The following DNAI4 variants were observed in gnomAD, a reference collection of about 807,000 sequenced individuals.
DNAI4 encodes the protein dynein axonemal intermediate chain 4.
A neutral mutation model predicts 105.8 loss-of-function variants in DNAI4; 85 were observed. That is an observed-to-expected ratio of 0.80 (90% CI 0.67 to 0.96). DNAI4 has a LOEUF of 0.96. DNAI4 is among the 40% of genes least tolerant of loss of function. The pLI is 0.00. For missense variants in DNAI4, 1,014 were observed against 1,005.6 expected (o/e 1.01, Z -0.11); for synonymous variants, 352 against 331.5 (o/e 1.06, Z -0.67).
intron 6 of DNAI4, 67 bp downstream of exon 6, chr1:66,871,303 C>T (rs758265446): frequency 7.8e-6 from 11 of 1,402,578 alleles, no homozygotes; most frequent in African/African-American, 4.3e-5. Flanking sequence ...ATTCACTTGT[C>T]GATTGACAGA....
chr1:66,836,079 C>A (rs998283707), intron 10 of DNAI4, among the ~76,000 whole-genome samples: 1 of 149,358 alleles, frequency 6.7e-6, no homozygotes, highest in Non-Finnish European at 1.5e-5. Flanking sequence ...TCACTTGAGA[C>A]CAGCAGTTTG....
At chr1:66,878,101 G>A (rs1646995434) in intron 4 of DNAI4, among the ~76,000 whole-genome samples, 1 of 152,066 alleles carries the variant, frequency 6.6e-6, no homozygotes, top group Non-Finnish European at 1.5e-5. Flanking sequence ...CTTCTTGAGG[G>A]AAGAATATCT....
At chr1:66,875,659 A>G (rs1278594729) in intron 4 of DNAI4, among the ~76,000 whole-genome samples, 1 of 152,114 alleles carries the variant, frequency 6.6e-6, no homozygotes, top group African/African-American at 2.4e-5. Flanking sequence ...AATGTTTTCT[A>G]TCAACAACAG....
intron 7 of DNAI4, among the ~76,000 whole-genome samples, chr1:66,852,618 C>T (rs554827496): frequency 1.3e-5 from 2 of 151,852 alleles, no homozygotes; most frequent in African/African-American, 4.8e-5. Context: ...AAAAAAATCA[C>T]ATGATCATAT....
intron 6 of DNAI4, among the ~76,000 whole-genome samples, chr1:66,869,199 C>T (rs1195595721): frequency 6.6e-6 from 1 of 151,584 alleles, no homozygotes; most frequent in Non-Finnish European, 1.5e-5. Flanking sequence ...AGTATTCTCA[C>T]ATTTACAGAA....
chr1:66,895,392 C>T (rs1648234569), intron 2 of DNAI4, among the ~76,000 whole-genome samples: 1 of 152,144 alleles, frequency 6.6e-6, no homozygotes, highest in Admixed American at 6.5e-5. Context: ...TGCTTAAGCC[C>T]AGGAGTTTGA....
chr1:66,921,954 T>C (rs1650519171), intron 1 of DNAI4, among the ~76,000 whole-genome samples: 1 of 150,536 alleles, frequency 6.6e-6, no homozygotes, highest in Non-Finnish European at 1.5e-5. Context: ...TGGAGTACAA[T>C]GGCAGTGATC....
intron 2 of DNAI4, among the ~76,000 whole-genome samples, chr1:66,900,638 CTAAG>C (rs1459242364): frequency 5.9e-5 from 9 of 152,090 alleles, no homozygotes; most frequent in African/African-American, 1.7e-4. Context: ...ACATTTATTC[CTAAG>C]TATTTTACTG....
At chr1:66,872,695 A>C (rs1283896699) in intron 5 of DNAI4, among the ~76,000 whole-genome samples, 2 of 151,990 alleles carry the variant, frequency 1.3e-5, no homozygotes, top group African/African-American at 4.8e-5. Context: ...AATTACTTTT[A>C]TATTCCAATG....
chr1:66,895,119 T>C lies in DNAI4; in HGVS notation c.346-1706A>G, dbSNP rs150425606. On this transcript the variant is annotated intron_variant, in intron 2 of 16. Transcript: ENST00000371026. ...TTAAAAATATTGGTATATGCATCTT[T>C]TGTTATATTTTTCCACAAGTGCTTG... Among the ~76,000 whole-genome samples, 5 of 152,338 alleles carry C rather than the reference T, an allele frequency of 3.3e-5. No individual in the cohort carries two copies. The East Asian group carries it at 9.6e-4, about 29-fold the overall frequency.
Position 66,835,653 on chromosome 1 carries a change from T to C in DNAI4, c.1706A>G (p.Asn569Ser), listed in dbSNP as rs1196810136. ...ACTATCCAGAACTGGAACATTACTG[T>C]TGCTCCGTACATTGTAAATTGCAAT... is the stretch of plus-strand genomic sequence containing the variant. ...GTIAIYNVRS[N>S]SNVPVLDSSE... The change falls in exon 11 of 17, where the codon AAC becomes AGC. Residue 569 changes from asparagine (N) to serine (S), a missense_variant. Coordinates refer to ENST00000371026, the MANE Select transcript of DNAI4 (RefSeq NM_024763.5). The C allele has an allele frequency of 3.1e-6, 5 of 1,614,036 alleles. No homozygotes were observed. The highest frequency in any genetic ancestry group is 4.2e-6 in the Non-Finnish European group (5 of 1,180,012).
At chr1:66,819,723 A>C (rs1241327531) in intron 16 of DNAI4, among the ~76,000 whole-genome samples, 2 of 152,162 alleles carry the variant, frequency 1.3e-5, no homozygotes, top group East Asian at 3.9e-4. Context: ...GATGAAAAGA[A>C]AAGAATCAAC....
intron 7 of DNAI4, chr1:66,848,245 A>G (rs1227536565): frequency 2.2e-6 from 1 of 456,238 alleles, no homozygotes; most frequent in Admixed American, 2.3e-5. Context: ...TCATCTTCAA[A>G]GACAGCAACA....
At chr1:66,883,365 C>T (rs1647122699) in intron 4 of DNAI4, among the ~76,000 whole-genome samples, 1 of 152,018 alleles carries the variant, frequency 6.6e-6, no homozygotes, top group African/African-American at 2.4e-5. Flanking sequence ...GAAACCTCCA[C>T]CTCCTGGGTT....
At chr1:66,854,195 C>A (rs1352125420) in intron 7 of DNAI4, among the ~76,000 whole-genome samples, 4 of 152,112 alleles carry the variant, frequency 2.6e-5, no homozygotes, top group African/African-American at 9.7e-5. Flanking sequence ...AGTTTGAGAA[C>A]AGTCTGGGCA....
intron 8 of DNAI4, among the ~76,000 whole-genome samples, chr1:66,841,655 G>C (rs1443164253): frequency 6.6e-6 from 1 of 152,128 alleles, no homozygotes; most frequent in Non-Finnish European, 1.5e-5. Context: ...ACAGACATGA[G>C]CCACTGCACT....
chr1:66,838,525 A>C lies in DNAI4; in HGVS notation c.1495-729T>G, dbSNP rs146233399. Among the ~76,000 whole-genome samples the C allele has an allele frequency of 6.5e-3, 983 of 152,366 alleles. 6 individuals carry two copies. Among genetic ancestry groups the C allele is most frequent in the African/African-American group, 0.023 (940 of 41,588 alleles). On this transcript the variant is annotated intron_variant, in intron 9 of 16. Coordinates refer to ENST00000371026, the MANE Select transcript of DNAI4 (RefSeq NM_024763.5). ...GTCTATAATATATTGTTACGGCAGCATGAGCTACCTAATACAGGAGGTCAT... is the reference window on the plus strand; with the variant it reads ...GTCTATAATATATTGTTACGGCAGCCTGAGCTACCTAATACAGGAGGTCAT...
chr1:66,850,719 TG>T (rs1180527196), intron 7 of DNAI4, among the ~76,000 whole-genome samples: 1 of 151,894 alleles, frequency 6.6e-6, no homozygotes, highest in Non-Finnish European at 1.5e-5. Context: ...CAAATATAAA[TG>T]GGGGTGGAAT....
chr1:66,919,874 G>A (rs910764099), intron 1 of DNAI4, among the ~76,000 whole-genome samples: 1 of 152,034 alleles, frequency 6.6e-6, no homozygotes, highest in African/African-American at 2.4e-5. Flanking sequence ...CAGGGACAAG[G>A]GCCCATTAAA....
Sources: gnomAD v4.1 joint callset for allele counts (sites outside exome capture counted in the v4.1 genomes callset) on GRCh38, gnomAD v4.1.1 for gene constraint, MANE v1.5 for transcripts, NCBI Gene and HGNC (gene_info 2026-07-23, HGNC 2026-07-21) for gene names.